KIAA1671: variants seen among roughly 807,000 people sequenced by gnomAD.
KIAA1671 encodes uncharacterized protein KIAA1671.
Under a neutral mutation model 131.2 loss-of-function variants are expected in KIAA1671, and 52 were observed. The ratio of observed to expected loss-of-function variants is 0.40; its 90% CI spans 0.32 to 0.50. KIAA1671 has a LOEUF of 0.50. Ranked by LOEUF, KIAA1671 falls within the 20% of genes least tolerant of loss-of-function variation. KIAA1671 has a pLI of 0.73. For synonymous variants in KIAA1671, 1,003 were observed against 961.6 expected, an observed-to-expected ratio of 1.04 and a Z score of -0.80; for missense variants, 2,360 against 2,364.2, an observed-to-expected ratio of 1.00 and a Z score of 0.04.
intron 6 of KIAA1671, chr22:25,054,278 G>A (rs1927720563): frequency 6.7e-6 from 1 of 149,268 alleles, no homozygotes. Flanking sequence ...GTAAATAATT[G>A]CAGTGGGTTC....
At chr22:24,980,696 G>A (rs981388151) in intron 1 of KIAA1671, among the ~76,000 whole-genome samples, 13 of 151,980 alleles carry the variant, frequency 8.6e-5, no homozygotes, top group Admixed American at 8.5e-4. Flanking sequence ...CATACCAACA[G>A]TGCACAAGTG....
chr22:24,993,496 A>T (rs79789757), intron 1 of KIAA1671, among the ~76,000 whole-genome samples: 2,555 of 152,252 alleles, frequency 0.017, 48 homozygotes, highest in Non-Finnish European at 0.027. Flanking sequence ...CATTCAGCTG[A>T]TAGGTCACCT....
rs1602091391 is a variant in KIAA1671, at chr22:25,041,400, A to C, written c.4270A>C (p.Ile1424Leu). 1 of 1,551,688 alleles carries C rather than the reference A, an allele frequency of 6.4e-7. No individual in the cohort carries two copies. Among genetic ancestry groups the C allele is most frequent in the African/African-American group, 1.4e-5 (1 of 73,056 alleles). The change falls in exon 5 of 13, where the codon ATC becomes CTC. Residue 1424 changes from isoleucine (I) to leucine (L), a missense_variant. Physicochemically the swap from Ile to Leu is conservative, Grantham distance 5 (BLOSUM62 2). Around this residue, in one of 3 missense-constraint regions of KIAA1671, gnomAD observed 1,161 missense variants for 1,204.7 expected, o/e 0.96. Transcript: ENST00000358431. The part of the protein sequence containing the change: ...PPANIREGLS[I>L]MHEARERRRE... Reference sequence around the variant, plus strand: ...TGCCAACATCCGAGAGGGCCTGTCCATCATGCATGAAGCCAGAGAGAGGAG... The same window carrying C: ...TGCCAACATCCGAGAGGGCCTGTCCCTCATGCATGAAGCCAGAGAGAGGAG...
rs190241038 is a variant in KIAA1671, at chr22:24,999,911, C to T, written c.-207-25722C>T. 1.3e-3 allele frequency among the ~76,000 whole-genome samples: 200 copies of T among 150,260 alleles called. 1 individual carries two copies. The Middle Eastern group carries it at 0.017, about 13-fold the overall frequency. ...TGCTTTGTTTGTTTGTTTTTTGAGA[C>T]GGATTCTCTGTTGCCTAGGCTGGAG... On this transcript the variant is annotated intron_variant, in intron 1 of 12. Transcript: ENST00000358431.
intron 4 of KIAA1671, among the ~76,000 whole-genome samples, chr22:25,035,221 A>G (rs1171179892): frequency 6.6e-6 from 1 of 151,218 alleles, no homozygotes; most frequent in African/African-American, 2.4e-5. Flanking sequence ...AATTTTTTGT[A>G]TTTTTAGTAG....
intron 5 of KIAA1671, among the ~76,000 whole-genome samples, chr22:25,048,695 C>G (rs1927371546): frequency 6.6e-6 from 1 of 152,138 alleles, no homozygotes; most frequent in African/African-American, 2.4e-5. Flanking sequence ...AGGTGCTGTG[C>G]TGTTCATGCA....
intron 6 of KIAA1671, among the ~76,000 whole-genome samples, chr22:25,087,312 C>T (rs1929777485): frequency 6.6e-6 from 1 of 152,178 alleles, no homozygotes; most frequent in Admixed American, 6.5e-5. Flanking sequence ...CTGCTGGGCA[C>T]AGTGGCTCAT....
At chr22:25,090,908 A>G (rs1046923793) in intron 6 of KIAA1671, among the ~76,000 whole-genome samples, 1 of 152,130 alleles carries the variant, frequency 6.6e-6, no homozygotes, top group Non-Finnish European at 1.5e-5. Flanking sequence ...CATCTGTCCT[A>G]TTGGACTGCA....
intron 4 of KIAA1671, among the ~76,000 whole-genome samples, chr22:25,034,275 A>G (rs1384730747): frequency 6.6e-6 from 1 of 151,638 alleles, no homozygotes; most frequent in African/African-American, 2.4e-5. Context: ...TGCACTCCTG[A>G]CCTCAAGTGA....
intron 6 of KIAA1671, among the ~76,000 whole-genome samples, chr22:25,086,355 A>G (rs1195874728): frequency 6.6e-6 from 1 of 152,200 alleles, no homozygotes; most frequent in African/African-American, 2.4e-5. Flanking sequence ...TGTCTTGCTC[A>G]TTAGTTTCCC....
chr22:25,038,806 C>A lies in KIAA1671; in HGVS notation c.1676C>A (p.Pro559His). 6.4e-7 allele frequency: 1 copy of A among 1,551,028 alleles called. No homozygotes were observed. Among genetic ancestry groups the A allele is most frequent in the East Asian group, 2.4e-5 (1 of 40,874 alleles). The change falls in exon 5 of 13, where the codon CCC becomes CAC. Residue 559 changes from proline to histidine, a missense_variant. Physicochemically the swap from Pro to His is moderately conservative, Grantham distance 77. Coordinates refer to ENST00000358431, the MANE Select transcript of KIAA1671 (RefSeq NM_001145206.2). ...SLDGACIPRSPWKPGTLRDKS... is the reference protein window; with the variant it reads ...SLDGACIPRSHWKPGTLRDKS... ...GATGGAGCATGCATCCCGAGAAGCC[C>A]CTGGAAGCCTGGGACACTCCGGGAT...
intron 6 of KIAA1671, among the ~76,000 whole-genome samples, chr22:25,145,659 C>T (rs1403615746): frequency 6.6e-6 from 1 of 152,338 alleles, no homozygotes; most frequent in African/African-American, 2.4e-5. Context: ...AAGCTAGAGG[C>T]CGGGCACAAT....
chr22:24,971,285 T>C (rs1922602274), intron 1 of KIAA1671, among the ~76,000 whole-genome samples: 1 of 152,210 alleles, frequency 6.6e-6, no homozygotes, highest in Admixed American at 6.5e-5. Flanking sequence ...ACTATCTAGC[T>C]GTCTGATTCC....
rs1209822495 is a variant in KIAA1671, at chr22:25,038,772, C to G, written c.1642C>G (p.His548Asp). Residue 548 changes from histidine to aspartate, a missense_variant, in exon 5 of 13, where the codon CAC becomes GAC. By Grantham distance (81) the His-to-Asp change is moderately conservative. This residue lies in a region of KIAA1671 where 1,185 missense variants were observed against 1,126.2 expected (regional missense o/e 1.05). Coordinates refer to ENST00000358431, the MANE Select transcript of KIAA1671 (RefSeq NM_001145206.2). ...KEPREKQKEGHSLDGACIPRS... is the reference protein window; with the variant it reads ...KEPREKQKEGDSLDGACIPRS... ...TGTTTCTTTCCAGCAAAAGGAGGGG[C>G]ACAGTTTGGATGGAGCATGCATCCC... 1.3e-6 allele frequency: 2 copies of G among 1,534,248 alleles called. No homozygotes were observed. Among genetic ancestry groups the G allele is most frequent in the Non-Finnish European group, 8.8e-7 (1 of 1,132,574 alleles).
chr22:24,988,148 C>G (rs1365004296), intron 1 of KIAA1671, among the ~76,000 whole-genome samples: 1 of 151,998 alleles, frequency 6.6e-6, no homozygotes, highest in African/African-American at 2.4e-5. Flanking sequence ...TGTGTTATGG[C>G]GTGCATCTGT....
At chr22:24,953,903 T>G (rs1921553665) in intron 1 of KIAA1671, among the ~76,000 whole-genome samples, 1 of 152,076 alleles carries the variant, frequency 6.6e-6, no homozygotes, top group African/African-American at 2.4e-5. Flanking sequence ...TGCACCTTTT[T>G]TGTGACCTTG....
intron 6 of KIAA1671, among the ~76,000 whole-genome samples, chr22:25,102,136 G>A (rs1261342247): frequency 1.3e-5 from 2 of 152,246 alleles, no homozygotes; most frequent in Admixed American, 1.3e-4. Context: ...CATCTGTCCA[G>A]TTTGTTCAGG....
intron 6 of KIAA1671, among the ~76,000 whole-genome samples, chr22:25,127,173 G>T (rs1333025830): frequency 6.6e-6 from 1 of 152,210 alleles, no homozygotes; most frequent in Non-Finnish European, 1.5e-5. Context: ...TCATGGTGGT[G>T]AGAATTCCAT....
chr22:25,177,602 C>G (rs1934083495), intron 9 of KIAA1671, 80 bp downstream of exon 9: 4 of 1,310,244 alleles, frequency 3.1e-6, no homozygotes, highest in Non-Finnish European at 4.1e-6. Context: ...GAAAAAATTC[C>G]TGACTTGGAA....
Sources: gnomAD v4.1 joint callset for allele counts (sites outside exome capture counted in the v4.1 genomes callset) on GRCh38, gnomAD v4.1.1 for gene constraint, gnomAD v4.1.1 regional missense constraint, MANE v1.5 for transcripts, NCBI Gene and HGNC (gene_info 2026-07-23, HGNC 2026-07-21) for gene names.